Variants in SETD9 observed in about 807,000 individuals in gnomAD.
SETD9 encodes SET domain-containing protein 9.
Under a neutral mutation model 36.4 loss-of-function variants are expected in SETD9, and 37 were observed. The ratio of observed to expected loss-of-function variants is 1.02; its 90% CI spans 0.78 to 1.34. The LOEUF (loss-of-function observed/expected upper bound fraction) is 1.34. SETD9 is among the 40% of genes most tolerant of loss of function. The pLI is 0.00. For missense variants in SETD9, 323 were observed against 353.2 expected (o/e 0.91, Z 0.69); for synonymous variants, 128 against 132.9 (o/e 0.96, Z 0.26).
chr5:56,914,725 C>G, intron 4 of SETD9, 136 bp from the exon 5 acceptor site: 1 of 421,074 alleles, frequency 2.4e-6, no homozygotes, highest in Non-Finnish European at 4.1e-6. Flanking sequence ...TCTGACAGTA[C>G]CTGGAACATA....
chr5:56,919,213 C>A (rs1220539351), downstream of SETD9, among the ~76,000 whole-genome samples: 1 of 150,472 alleles, frequency 6.6e-6, no homozygotes, highest in Admixed American at 6.6e-5. Context: ...GCAACCACCA[C>A]CCCCAGGGTT....
rs1216755307 is a variant in SETD9, at chr5:56,909,683, G to T, written c.38G>T (p.Trp13Leu). The T allele has an allele frequency of 1.2e-6, 2 of 1,609,596 alleles. No homozygotes were observed. Among genetic ancestry groups the T allele is most frequent in the African/African-American group, 2.7e-5 (2 of 74,198 alleles). ...GRLLRGLWQRWRRYKYRFVPW... is the reference protein window; with the variant it reads ...GRLLRGLWQRLRRYKYRFVPW... The stretch of plus-strand genomic sequence containing the variant: ...CTGCTGCGGGGCCTGTGGCAGCGAT[G>T]GCGCCGTTACAAGTACCGCTTCGTT... Residue 13 changes from tryptophan to leucine, a missense_variant, in exon 1 of 6, where the codon TGG becomes TTG. Coordinates refer to ENST00000285947, the MANE Select transcript of SETD9 (RefSeq NM_153706.4).
Position 56,924,118 on chromosome 5 carries a change from C to T in SETD9, c.813-1215C>T, listed in dbSNP as rs1232535500. ...TAAGCAACTTTTCTTTTCCACAACA[C>T]TACAACTTCAATCCATGGGTCTTAT... is the stretch of plus-strand genomic sequence containing the variant. On this transcript the variant is annotated intron_variant, in intron 5 of 5. Transcript: ENST00000628593. The T allele has an allele frequency of 2.8e-6, 4 of 1,410,184 alleles. No homozygotes were observed. In the Middle Eastern group the frequency reaches 5.5e-4, roughly 193 times the overall value. 87.4% of individuals were successfully genotyped at this position (1,410,184 alleles called of 1,614,324 possible).
At chr5:56,925,401 T>G (rs1749916349) in exon 6 of SETD9, 1 of 442,864 alleles carries the variant, frequency 2.3e-6, no homozygotes, top group African/African-American at 2.0e-5. Flanking sequence ...AATAAGCACT[T>G]ACAGCAAAGT....
At position 56,909,670 on chromosome 5, in the gene SETD9, C is replaced by G. The variant is rs145851196; in HGVS notation, c.25C>G (p.Leu9Val). ...CATGCCTGGCCGTCTGCTGCGGGGC[C>G]TGTGGCAGCGATGGCGCCGTTACAA... Reference protein sequence around the residue: MPGRLLRGLWQRWRRYKYR... With the variant: MPGRLLRGVWQRWRRYKYR... Residue 9 changes from leucine (L) to valine (V), a missense_variant, in exon 1 of 6, where the codon CTG (leucine) becomes GTG (valine). By Grantham distance (32) the Leu-to-Val change is conservative. Transcript: ENST00000285947. 202 of 1,609,338 alleles carry G rather than the reference C, an allele frequency of 1.3e-4. No individual in the cohort carries two copies. Among genetic ancestry groups the G allele is most frequent in the Non-Finnish European group, 8.1e-5 (96 of 1,178,526 alleles).
chr5:56,913,655 A>T (rs1749273119), intron 3 of SETD9, among the ~76,000 whole-genome samples: 1 of 152,052 alleles, frequency 6.6e-6, no homozygotes, highest in Non-Finnish European at 1.5e-5. Flanking sequence ...AAGTATTGGG[A>T]TTACAGGCGT....
In SETD9 at chr5:56,911,480, G is replaced by A. The variant is rs149334074; in HGVS notation, c.410G>A (p.Gly137Asp). 6.2e-7 allele frequency: 1 copy of A among 1,605,582 alleles called. No individual in the cohort carries two copies. Among genetic ancestry groups the A allele is most frequent in the Non-Finnish European group, 8.5e-7 (1 of 1,177,136 alleles). ...ATSSLISAGK[G>D]VFVTKGLVPK... ...AGCTCATTGATTTCTGCTGGAAAAG[G>A]TGTCTTCGTTACTAAAGGATTGGTA... The change falls in exon 2 of 6, where the codon GGT (glycine) becomes GAT (aspartate). Residue 137 changes from glycine (G) to aspartate (D), a missense_variant. By Grantham distance (94) the Gly-to-Asp change is moderately conservative (BLOSUM62 -1). Transcript: ENST00000285947.
At chr5:56,923,146 C>T (rs1479464014) in intron 5 of SETD9, 16 of 1,613,668 alleles carry the variant, frequency 9.9e-6, no homozygotes, top group East Asian at 2.2e-5. Flanking sequence ...AGTGTAGGGC[C>T]GCGTGCTGAT....
intron 4 of SETD9, among the ~76,000 whole-genome samples, chr5:56,914,630 GT>G (rs1749332538): frequency 6.6e-6 from 1 of 151,866 alleles, no homozygotes; most frequent in South Asian, 2.1e-4. Context: ...AATAAAACAT[GT>G]TTTATATATG....
In SETD9 at chr5:56,913,145, C is replaced by G. The variant is rs1480448016; in HGVS notation, c.590+11C>G. On this transcript the variant is annotated intron_variant, in intron 3 of 5. Transcript: ENST00000285947. Reference sequence around the variant, plus strand: ...AAAAGTTGTGTACAGGTAAGTGATGCCCATGTTCAAATTTAATTATAGGAG... The same window carrying G: ...AAAAGTTGTGTACAGGTAAGTGATGGCCATGTTCAAATTTAATTATAGGAG... 2.5e-6 allele frequency: 4 copies of G among 1,612,032 alleles called. No homozygotes were observed. The highest frequency in any genetic ancestry group is 3.4e-6 in the Non-Finnish European group (4 of 1,179,246).
At chr5:56,914,165 A>T (rs986286443) in intron 4 of SETD9, among the ~76,000 whole-genome samples, 176 bp downstream of exon 4, 2 of 152,358 alleles carry the variant, frequency 1.3e-5, no homozygotes, top group East Asian at 3.9e-4. Flanking sequence ...AAATCTTGAT[A>T]TACATTATTT....
At chr5:56,921,211 G>A (rs1361382022), downstream of SETD9, 8 of 152,630 alleles carry the variant, frequency 5.2e-5, no homozygotes, top group Non-Finnish European at 2.9e-5. Context: ...TAAACCCAGA[G>A]TGAAAATTAA....
At chr5:56,909,844 G>A (rs1749008644) in intron 1 of SETD9, 101 bp downstream of exon 1, 2 of 897,960 alleles carry the variant, frequency 2.2e-6, no homozygotes, top group Admixed American at 3.0e-5. Context: ...CTGACTGCCG[G>A]CCTGAGATGG....
chr5:56,913,392 T>G (rs968301258), intron 3 of SETD9, among the ~76,000 whole-genome samples: 16 of 151,370 alleles, frequency 1.1e-4, no homozygotes, highest in Non-Finnish European at 1.9e-4. Context: ...TTTTACTTTT[T>G]TTTTTTTTTG....
In SETD9 at chr5:56,916,897, A is replaced by G. The variant is rs777668244; in HGVS notation, c.895A>G (p.Ser299Gly). 2 of 1,597,930 alleles carry G rather than the reference A, an allele frequency of 1.3e-6. No individual in the cohort carries two copies. The highest frequency in any genetic ancestry group is 3.5e-5 in the Admixed American group (2 of 56,612). Residue 299 changes from serine to glycine, a missense_variant, in exon 6 of 6, where the codon AGC becomes GGC. Coordinates refer to ENST00000285947, the MANE Select transcript of SETD9 (RefSeq NM_153706.4). ...ELFSNYYTIVS is the reference protein window; with the variant it reads ...ELFSNYYTIVG Reference sequence around the variant, plus strand: ...TTTTTCAAACTACTACACAATTGTCAGCTAACTCTGTGAATCAGAAATTAT... The same window carrying G: ...TTTTTCAAACTACTACACAATTGTCGGCTAACTCTGTGAATCAGAAATTAT...
chr5:56,928,854 C>G (rs1164169479), downstream of SETD9: 1 of 1,609,746 alleles, frequency 6.2e-7, no homozygotes, highest in East Asian at 2.2e-5. Context: ...TCCATGCAGT[C>G]ATTCCTTCTA....
chr5:56,909,333 C>T, upstream of SETD9: 1 of 267,104 alleles, frequency 3.7e-6, no homozygotes, highest in East Asian at 7.6e-5. Flanking sequence ...CCCCTGAGGC[C>T]CGGTGACCCT....
chr5:56,928,828 C>T (rs765850762), downstream of SETD9: 26 of 1,613,582 alleles, frequency 1.6e-5, no homozygotes, highest in East Asian at 2.2e-5. Flanking sequence ...TTCAAAGCTT[C>T]GGCATTCTTC....
chr5:56,926,645 A>ATGGTACAGCCACTT (rs199689255), downstream of SETD9, among the ~76,000 whole-genome samples: 1,660 of 152,222 alleles, frequency 0.011, 35 homozygotes, highest in African/African-American at 0.037. Flanking sequence ...GAAATACTAA[A>ATGGTACAGCCACTT]TGGAAGACAG....
Sources: allele counts gnomAD v4.1 joint callset (sites outside exome capture counted in the v4.1 genomes callset), GRCh38; gene constraint gnomAD v4.1.1; transcripts MANE v1.5; gene names NCBI Gene and HGNC (gene_info 2026-07-23, HGNC 2026-07-21).